The following CHN2 variants were observed in gnomAD, a reference collection of about 807,000 sequenced individuals.
CHN2 encodes beta-chimaerin.
Under a neutral mutation model 56.3 loss-of-function variants are expected in CHN2, and 35 were observed. The ratio of observed to expected loss-of-function variants is 0.62; its 90% CI spans 0.47 to 0.82. The LOEUF (loss-of-function observed/expected upper bound fraction) is 0.82. CHN2 is among the 40% of genes least tolerant of loss of function. The pLI, the probability that CHN2 is intolerant of heterozygous loss-of-function variation, is 0.00. For synonymous variants in CHN2, 210 were observed against 212.8 expected, an observed-to-expected ratio of 0.99 and a Z score of 0.12; for missense variants, 491 against 580.5, an observed-to-expected ratio of 0.85 and a Z score of 1.58.
chr7:29,243,975 G>A (rs1186851963), intron 1 of CHN2, among the ~76,000 whole-genome samples: 2 of 152,080 alleles, frequency 1.3e-5, no homozygotes, highest in Non-Finnish European at 2.9e-5. Flanking sequence ...ACAGCACACT[G>A]GATTGTTCTA....
chr7:29,293,857 ATTTTTT>A (rs70980522), intron 1 of CHN2, among the ~76,000 whole-genome samples: 5 of 78,494 alleles, frequency 6.4e-5, no homozygotes, highest in African/African-American at 1.5e-4. Context: ...GAGGCTGGGA[ATTTTTT>A]TTTTTTTTTT....
In CHN2 at chr7:29,252,209, T is replaced by TC. The variant is rs1554377793; in HGVS notation, c.49+57219_49+57220insC. Among the ~76,000 whole-genome samples the TC allele has an allele frequency of 4.7e-5, 7 of 150,310 alleles. No homozygotes were observed. The South Asian group carries it at 1.1e-3, about 23-fold the overall frequency. On this transcript the variant is annotated intron_variant, in intron 1 of 12. Coordinates refer to ENST00000222792, the MANE Select transcript of CHN2 (RefSeq NM_004067.4). The stretch of plus-strand genomic sequence containing the variant: ...AGGATTTTTTTTTTTTTTTTTTTTT[T>TC]AGACAGTCTTGCTCTGTTGCCCAGG...
chr7:29,149,846 CTG>C (rs1453903881), intron 2 of CHN2, among the ~76,000 whole-genome samples: 1 of 152,210 alleles, frequency 6.6e-6, no homozygotes, highest in Admixed American at 6.5e-5. Context: ...GTGTCTGTCT[CTG>C]TGTCCCAATT....
intron 1 of CHN2, among the ~76,000 whole-genome samples, chr7:29,283,073 G>T (rs1443960628): frequency 6.6e-6 from 1 of 152,162 alleles, no homozygotes; most frequent in African/African-American, 2.4e-5. Context: ...TGTGTTATCT[G>T]ACCCCCTCGT....
chr7:29,352,423 A>T (rs545804820), intron 1 of CHN2, among the ~76,000 whole-genome samples: 1 of 152,170 alleles, frequency 6.6e-6, no homozygotes, highest in African/African-American at 2.4e-5. Flanking sequence ...GATGCCTTCA[A>T]CATTTTAACA....
chr7:29,509,452 G>C (rs767073285), intron 12 of CHN2, 46 bp downstream of exon 12: 1 of 1,468,798 alleles, frequency 6.8e-7, no homozygotes, highest in Non-Finnish European at 9.5e-7. Flanking sequence ...TCCTAGAGCG[G>C]TTAATGCATG....
intron 3 of CHN2, among the ~76,000 whole-genome samples, chr7:29,379,902 A>T (rs536747436): frequency 3.8e-4 from 58 of 152,322 alleles, no homozygotes; most frequent in African/African-American, 1.3e-3. Context: ...TCTTTTATTT[A>T]TTACCATGTT....
chr7:29,199,000 G>T (rs754150164), intron 1 of CHN2, among the ~76,000 whole-genome samples: 1 of 152,138 alleles, frequency 6.6e-6, no homozygotes, highest in African/African-American at 2.4e-5. Flanking sequence ...AACAGAAAAA[G>T]ATAACAAGTC....
chr7:29,229,143 G>C (rs117998486), intron 1 of CHN2, among the ~76,000 whole-genome samples: 1 of 152,262 alleles, frequency 6.6e-6, no homozygotes, highest in East Asian at 1.9e-4. Context: ...AATGTGCTTT[G>C]CAAGAGTGGG....
chr7:29,510,732 G>T (rs6944485), intron 12 of CHN2, among the ~76,000 whole-genome samples: 1 of 152,224 alleles, frequency 6.6e-6, no homozygotes, highest in African/African-American at 2.4e-5. Context: ...TGCTTTTACC[G>T]TGTTTTATCT....
intron 8 of CHN2, among the ~76,000 whole-genome samples, chr7:29,498,020 A>G (rs1394026010): frequency 6.6e-6 from 1 of 152,234 alleles, no homozygotes; most frequent in Non-Finnish European, 1.5e-5. Context: ...ATGCCACCAA[A>G]CCATACACTT....
chr7:29,284,731 C>G (rs1008024152), intron 1 of CHN2, among the ~76,000 whole-genome samples: 1 of 152,130 alleles, frequency 6.6e-6, no homozygotes, highest in African/African-American at 2.4e-5. Flanking sequence ...AGGACCCAGC[C>G]AAGCCACACC....
chr7:29,381,957 G>T (rs1800547581), intron 3 of CHN2, among the ~76,000 whole-genome samples: 2 of 152,092 alleles, frequency 1.3e-5, no homozygotes, highest in Non-Finnish European at 2.9e-5. Flanking sequence ...CAGACCTTGG[G>T]CAATAAGAGG....
At chr7:29,443,026 C>T (rs192800811) in intron 6 of CHN2, among the ~76,000 whole-genome samples, 2,121 of 147,162 alleles carry the variant, frequency 0.014, 31 homozygotes, top group Non-Finnish European at 0.023. Context: ...CTGCAAACTC[C>T]GCTTCCCGGG....
chr7:29,223,316 G>A (rs371487554), intron 1 of CHN2, among the ~76,000 whole-genome samples: 43 of 152,000 alleles, frequency 2.8e-4, no homozygotes, highest in East Asian at 1.2e-3. Context: ...TTTGGCAGTG[G>A]CATCCCAAAC....
In CHN2 at chr7:29,204,635, A is replaced by T. The variant is rs114614725; in HGVS notation, c.49+9645A>T. Reference sequence around the variant, plus strand: ...GGGTCCTGGTTAGCTCTAGCCAAATATCCTCTCTGGATCTGCCTCATGATC... The same window carrying T: ...GGGTCCTGGTTAGCTCTAGCCAAATTTCCTCTCTGGATCTGCCTCATGATC... On this transcript the variant is annotated intron_variant, in intron 1 of 12. Coordinates refer to ENST00000222792, the MANE Select transcript of CHN2 (RefSeq NM_004067.4). 6.9e-3 allele frequency among the ~76,000 whole-genome samples: 1,045 copies of T among 152,228 alleles called. 14 individuals carry two copies. Among genetic ancestry groups the T allele is most frequent in the African/African-American group, 0.024 (999 of 41,538 alleles).
chr7:29,291,510 T>C (rs1412868096), intron 1 of CHN2, among the ~76,000 whole-genome samples: 1 of 152,180 alleles, frequency 6.6e-6, no homozygotes, highest in East Asian at 1.9e-4. Context: ...TTAAATGTGG[T>C]CAGACTGTTC....
intron 2 of CHN2, among the ~76,000 whole-genome samples, chr7:29,168,918 C>G (rs553131847): frequency 3.1e-4 from 47 of 152,040 alleles, no homozygotes; most frequent in Non-Finnish European, 5.9e-4. Context: ...TATTTCTATT[C>G]GCCATGTTTT....
At chr7:29,257,199 A>T (rs1365019906) in intron 1 of CHN2, among the ~76,000 whole-genome samples, 1 of 152,016 alleles carries the variant, frequency 6.6e-6, no homozygotes, top group Non-Finnish European at 1.5e-5. Flanking sequence ...ATGACCACCA[A>T]CCCTCACTGA....
Sources: gnomAD v4.1 joint callset for allele counts (sites outside exome capture counted in the v4.1 genomes callset) on GRCh38, gnomAD v4.1.1 for gene constraint, MANE v1.5 for transcripts, NCBI Gene and HGNC (gene_info 2026-07-23, HGNC 2026-07-21) for gene names.